Variants in LARP4B observed in about 807,000 individuals in gnomAD.
LARP4B encodes La ribonucleoprotein 4B.
In LARP4B, 12 loss-of-function variants were observed where a neutral mutation model predicts 89.8. The ratio of observed to expected loss-of-function variants is 0.13; its 90% CI spans 0.09 to 0.22. LARP4B has a LOEUF of 0.22. Among genes scored for constraint, LARP4B ranks in the 10% least tolerant of loss-of-function variants. The probability of loss-of-function intolerance (pLI) is 1.00; values close to 1 mark genes in which losing one functional copy is unlikely to be tolerated. For synonymous variants in LARP4B, 367 were observed against 363.3 expected, an observed-to-expected ratio of 1.01 and a Z score of -0.12; for missense variants, 757 against 947.7, an observed-to-expected ratio of 0.80 and a Z score of 2.64.
chr10:868,835 A>G (rs1039618076), intron 3 of LARP4B, among the ~76,000 whole-genome samples: 13 of 152,236 alleles, frequency 8.5e-5, no homozygotes, highest in Non-Finnish European at 7.3e-5. Flanking sequence ...CATTTGAGCC[A>G]TCTCTACCTC....
chr10:835,547 G>A (rs1833166259), intron 8 of LARP4B, among the ~76,000 whole-genome samples: 1 of 152,326 alleles, frequency 6.6e-6, no homozygotes, highest in Non-Finnish European at 1.5e-5. Flanking sequence ...TTTACCTCAT[G>A]ATCTCAAGGT....
intron 15 of LARP4B, 45 bp from the exon 16 acceptor site, chr10:815,115 A>G: frequency 6.6e-7 from 1 of 1,512,718 alleles, no homozygotes; most frequent in South Asian, 1.3e-5. Context: ...GCCGGCACTA[A>G]GCGGAGCTGG....
At chr10:872,069 T>C (rs924639930) in intron 3 of LARP4B, among the ~76,000 whole-genome samples, 1 of 152,234 alleles carries the variant, frequency 6.6e-6, no homozygotes, top group Non-Finnish European at 1.5e-5. Flanking sequence ...GACACACGCA[T>C]GACTTAGTGA....
At chr10:873,330 C>G in intron 3 of LARP4B, 1 of 985,442 alleles carries the variant, frequency 1.0e-6, no homozygotes, top group Non-Finnish European at 1.2e-6. Flanking sequence ...GCCCGACTGA[C>G]AGCCAGCATA....
At chr10:939,443 T>C in the LARP4B span, among the ~76,000 whole-genome samples, 1 of 152,194 alleles carries the variant, frequency 6.6e-6, no homozygotes, top group Non-Finnish European at 1.5e-5. Flanking sequence ...AAGCCCACAT[T>C]AAAGGCCTAG....
intron 3 of LARP4B, among the ~76,000 whole-genome samples, chr10:882,807 T>G (rs989874591): frequency 6.6e-6 from 1 of 152,202 alleles, no homozygotes; most frequent in Non-Finnish European, 1.5e-5. Context: ...GGTATCTCTA[T>G]TGCACGTCTC....
At chr10:929,597 CG>C (rs59801336) in intron 1 of LARP4B, among the ~76,000 whole-genome samples, 149,332 of 151,958 alleles carry the variant, frequency 0.98, 73,426 homozygotes, top group Middle Eastern at 1. Context: ...GACTCCAACT[CG>C]GGGGGGGAAG....
At chr10:962,972 G>A in the LARP4B span, among the ~76,000 whole-genome samples, 3 of 152,110 alleles carry the variant, frequency 2.0e-5, no homozygotes, top group African/African-American at 4.8e-5. Flanking sequence ...TGAGCTTCAC[G>A]TGCACAGAAT....
chr10:881,873 T>C (rs527302243), intron 3 of LARP4B, among the ~76,000 whole-genome samples: 1 of 152,384 alleles, frequency 6.6e-6, no homozygotes, highest in East Asian at 1.9e-4. Flanking sequence ...CACGCTCATC[T>C]GAACAACCTC....
chr10:892,544 A>AT (rs548058626), intron 1 of LARP4B, among the ~76,000 whole-genome samples: 478 of 146,808 alleles, frequency 3.3e-3, no homozygotes, highest in East Asian at 0.015. Context: ...ATTATCGTTA[A>AT]TTTTTTTTTT....
At chr10:835,274 C>T (rs1433535116) in intron 8 of LARP4B, among the ~76,000 whole-genome samples, 2 of 152,156 alleles carry the variant, frequency 1.3e-5, no homozygotes, top group African/African-American at 4.8e-5. Context: ...GAATCCTGCC[C>T]TTTCTCACAT....
chr10:829,304 C>A, intron 11 of LARP4B, 81 bp downstream of exon 11: 2 of 1,197,036 alleles, frequency 1.7e-6, no homozygotes, highest in South Asian at 3.2e-5. Context: ...TATCTGGCTT[C>A]CTATTAGATG....
chr10:881,036 C>A (rs1835647792), intron 3 of LARP4B, among the ~76,000 whole-genome samples: 1 of 152,158 alleles, frequency 6.6e-6, no homozygotes, highest in South Asian at 2.1e-4. Flanking sequence ...GGAGTAAGAA[C>A]TGGAGTCCCT....
chr10:858,901 C>T (rs182525072), intron 5 of LARP4B, among the ~76,000 whole-genome samples: 1 of 152,296 alleles, frequency 6.6e-6, no homozygotes, highest in African/African-American at 2.4e-5. Context: ...CCTGTAATCA[C>T]AGCACTTTGG....
In LARP4B at chr10:822,518, C is replaced by T. The variant is rs980467451; in HGVS notation, c.1485-1673G>A. ...CCCAGCCAACACTCCCCCACACCCT[C>T]ACTGGGCTCCACGTAACCCGTGTCA... On this transcript the variant is annotated intron_variant, in intron 13 of 17. Transcript: ENST00000316157. The surrounding 1 kb of genome is among the most constrained non-coding windows in gnomAD (Gnocchi z 4.6). 1.3e-5 allele frequency among the ~76,000 whole-genome samples: 2 copies of T among 152,234 alleles called. No homozygotes were observed. Among genetic ancestry groups the T allele is most frequent in the Non-Finnish European group, 2.9e-5 (2 of 68,036 alleles).
At chr10:920,216 T>C (rs1836942331) in intron 1 of LARP4B, among the ~76,000 whole-genome samples, 1 of 152,228 alleles carries the variant, frequency 6.6e-6, no homozygotes, top group South Asian at 2.1e-4. Context: ...AAGAGGAGGC[T>C]CGTTACAGTC....
At chr10:877,838 G>A (rs192261074) in intron 3 of LARP4B, among the ~76,000 whole-genome samples, 222 of 152,272 alleles carry the variant, frequency 1.5e-3, no homozygotes, top group African/African-American at 5.1e-3. Context: ...CTAAACCCCA[G>A]ATTTGATGGA....
intron 15 of LARP4B, 132 bp from the exon 16 acceptor site, chr10:815,202 CAGCAAA>C: frequency 9.1e-7 from 1 of 1,096,432 alleles, no homozygotes; most frequent in Non-Finnish European, 1.2e-6. Context: ...GGGTCTTCTC[CAGCAAA>C]AATGTCACAG....
chr10:845,383 TACACAA>T (rs1483590263), intron 5 of LARP4B, among the ~76,000 whole-genome samples: 1 of 152,108 alleles, frequency 6.6e-6, no homozygotes, highest in Non-Finnish European at 1.5e-5. Context: ...TCAAGTAACC[TACACAA>T]ACACAAACCC....
Sources: gnomAD v4.1 joint callset for allele counts (sites outside exome capture counted in the v4.1 genomes callset) on GRCh38, gnomAD v4.1.1 for gene constraint, Gnocchi (gnomAD v3.1) non-coding constraint, MANE v1.5 for transcripts, NCBI Gene and HGNC (gene_info 2026-07-23, HGNC 2026-07-21) for gene names.